Variants in IL18R1 observed in about 807,000 individuals in gnomAD.
IL18R1 encodes the protein interleukin-18 receptor 1.
A neutral mutation model predicts 48.5 loss-of-function variants in IL18R1; 40 were observed. The observed-to-expected ratio is 0.82, with a 90% confidence interval of 0.64 to 1.07. IL18R1 has a LOEUF of 1.07. IL18R1 is among the 50% of genes least tolerant of loss of function. The probability of loss-of-function intolerance (pLI) is 0.00; values close to 1 mark genes in which losing one functional copy is unlikely to be tolerated. For missense variants in IL18R1, 596 were observed against 633.7 expected (o/e 0.94, Z 0.64); for synonymous variants, 232 against 225.9 (o/e 1.03, Z -0.24).
At chr2:102,385,030 A>G (rs1423126584) in intron 7 of IL18R1, 32 bp downstream of exon 7, 1 of 1,217,422 alleles carries the variant, frequency 8.2e-7, no homozygotes, top group Admixed American at 1.9e-5. Context: ...GTCATGATAT[A>G]TACCATATAA....
intron 6 of IL18R1, among the ~76,000 whole-genome samples, chr2:102,384,326 C>T (rs1332629910): frequency 6.6e-6 from 1 of 152,162 alleles, no homozygotes; most frequent in East Asian, 1.9e-4. Context: ...ATTCTGCAAG[C>T]CTGTGCAGCT....
At chr2:102,384,142 T>G (rs571177913) in intron 6 of IL18R1, among the ~76,000 whole-genome samples, 1 of 152,346 alleles carries the variant, frequency 6.6e-6, no homozygotes, top group Admixed American at 6.5e-5. Flanking sequence ...GATGTAGGTA[T>G]GTTCACTCCA....
chr2:102,375,029 A>C (rs1469478726), intron 4 of IL18R1, among the ~76,000 whole-genome samples: 1 of 152,220 alleles, frequency 6.6e-6, no homozygotes, highest in African/African-American at 2.4e-5. Flanking sequence ...ATACATAAAT[A>C]ATTTACTGAC....
rs781182846 is a variant in IL18R1 at position 102,368,063 on chromosome 2, A to G, written c.297A>G (p.Gln99=). 1.9e-6 allele frequency: 3 copies of G among 1,614,100 alleles called. No individual in the cohort carries two copies. The highest frequency in any genetic ancestry group is 2.5e-6 in the Non-Finnish European group (3 of 1,179,968). The change falls in exon 3 of 11, where the codon CAA becomes CAG. Residue 99 remains glutamine (Q), a synonymous_variant. Transcript: ENST00000233957. Reference sequence around the variant, plus strand: ...ATGACACAGGATCTTACTTTTTCCAAATGAAGTGAGTAACCCTTTCTTTTC... The same window carrying G: ...ATGACACAGGATCTTACTTTTTCCAGATGAAGTGAGTAACCCTTTCTTTTC... The part of the protein sequence containing the change: ...ELNDTGSYFF[Q]MKNYTQKWKL...
chr2:102,358,314 CTGTT>C lies in IL18R1; in HGVS notation c.-29+1917_-29+1920del, dbSNP rs139654119. Among the ~76,000 whole-genome samples, 692 of 152,298 alleles carry C rather than the reference CTGTT, an allele frequency of 4.5e-3. 2 individuals carry two copies. Among genetic ancestry groups the C allele is most frequent in the Non-Finnish European group, 7.6e-3 (515 of 68,018 alleles). Reference sequence around the variant, plus strand: ...TGGGCAGAGCCAGGGGTTCAGGTGACTGTTTGGACCCTCTGGAAGGGCTTTTTAC... The same window carrying C: ...TGGGCAGAGCCAGGGGTTCAGGTGACTGGACCCTCTGGAAGGGCTTTTTAC... On this transcript the variant is annotated intron_variant, in intron 1 of 10. Coordinates refer to ENST00000233957, the MANE Select transcript of IL18R1 (RefSeq NM_003855.5).
At chr2:102,375,410 G>T (rs1033154918) in intron 4 of IL18R1, among the ~76,000 whole-genome samples, 13 of 152,176 alleles carry the variant, frequency 8.5e-5, no homozygotes, top group African/African-American at 3.1e-4. Context: ...CTGATGGAGG[G>T]TGTCAAAGGT....
chr2:102,360,195 G>C (rs1678490674), intron 1 of IL18R1, among the ~76,000 whole-genome samples: 1 of 152,192 alleles, frequency 6.6e-6, no homozygotes, highest in Admixed American at 6.5e-5. Context: ...TTTTAACAAA[G>C]AGTTTTGTGA....
intron 5 of IL18R1, among the ~76,000 whole-genome samples, chr2:102,376,470 G>T (rs1490871644): frequency 6.6e-6 from 1 of 152,186 alleles, no homozygotes; most frequent in Non-Finnish European, 1.5e-5. Flanking sequence ...TATTCTCAAG[G>T]GATTTGATTC....
intron 8 of IL18R1, among the ~76,000 whole-genome samples, chr2:102,387,651 A>C (rs1680316925): frequency 6.6e-6 from 1 of 152,212 alleles, no homozygotes; most frequent in African/African-American, 2.4e-5. Flanking sequence ...TCCAGTTGTC[A>C]CTACTCATTC....
intron 2 of IL18R1, among the ~76,000 whole-genome samples, chr2:102,365,000 C>A (rs1010570843): frequency 3.9e-5 from 6 of 152,126 alleles, no homozygotes; most frequent in African/African-American, 1.4e-4. Context: ...CTTATGGGAA[C>A]TACAATTCAA....
intron 7 of IL18R1, among the ~76,000 whole-genome samples, chr2:102,386,292 G>A (rs1573222750): frequency 6.6e-6 from 1 of 152,334 alleles, no homozygotes; most frequent in African/African-American, 2.4e-5. Context: ...TTAAGGAAGA[G>A]AAAAAGAACG....
Position 102,367,878 on chromosome 2 carries a change from C to A in IL18R1, c.112C>A (p.Leu38Met). Residue 38 changes from leucine (L) to methionine (M), a missense_variant, in exon 3 of 11, where the codon CTG (leucine) becomes ATG (methionine). Physicochemically the swap from Leu to Met is conservative, Grantham distance 15. Transcript: ENST00000233957. Reference protein sequence around the residue: ...ITVVEGEPFYLKHCSCSLAHE... With the variant: ...ITVVEGEPFYMKHCSCSLAHE... Reference sequence around the variant, plus strand: ...TGTGGTTGAAGGGGAACCTTTCTATCTGAAACATTGCTCGTGTTCACTTGC... The same window carrying A: ...TGTGGTTGAAGGGGAACCTTTCTATATGAAACATTGCTCGTGTTCACTTGC... 9.9e-6 allele frequency: 16 copies of A among 1,613,988 alleles called. No homozygotes were observed. Among genetic ancestry groups the A allele is most frequent in the Non-Finnish European group, 1.3e-5 (15 of 1,179,892 alleles).
chr2:102,367,688 A>G (rs1410283316), intron 2 of IL18R1, 137 bp from the exon 3 acceptor site: 1 of 704,352 alleles, frequency 1.4e-6, no homozygotes, highest in African/African-American at 1.8e-5. Flanking sequence ...AAGAACCCAC[A>G]GGAAATTGAC....
At chr2:102,377,600 G>A (rs1284652380) in intron 5 of IL18R1, among the ~76,000 whole-genome samples, 1 of 152,262 alleles carries the variant, frequency 6.6e-6, no homozygotes, top group East Asian at 1.9e-4. Context: ...ACAGGCATAA[G>A]CCACTGCACC....
At chr2:102,391,692 G>T (rs960766434) in intron 9 of IL18R1, among the ~76,000 whole-genome samples, 1 of 152,162 alleles carries the variant, frequency 6.6e-6, no homozygotes. Context: ...GCCTTCAAAA[G>T]ATGACAGCAA....
chr2:102,381,726 C>T, intron 6 of IL18R1, 44 bp downstream of exon 6: 3 of 1,247,364 alleles, frequency 2.4e-6, no homozygotes, highest in African/African-American at 1.5e-5. Flanking sequence ...AAGTAGGGGA[C>T]ATAATAGAGC....
At chr2:102,373,919 G>C (rs532408837) in intron 4 of IL18R1, 1 of 435,206 alleles carries the variant, frequency 2.3e-6, no homozygotes, top group Non-Finnish European at 4.6e-6. Context: ...ATCTGTCACT[G>C]TCTCCCATCA....
intron 5 of IL18R1, among the ~76,000 whole-genome samples, chr2:102,377,266 C>T (rs999463373): frequency 1.3e-5 from 2 of 152,194 alleles, no homozygotes; most frequent in Admixed American, 1.3e-4. Flanking sequence ...GCCAGAATTG[C>T]TTTACTTCTG....
intron 7 of IL18R1, 40 bp from the exon 8 acceptor site, chr2:102,386,821 C>A (rs372335269): frequency 1.9e-6 from 3 of 1,606,926 alleles, no homozygotes; most frequent in South Asian, 1.1e-5. Context: ...TCAAGGGTAA[C>A]GAACAGAGCC....
Sources: allele counts gnomAD v4.1 joint callset (sites outside exome capture counted in the v4.1 genomes callset), GRCh38; gene constraint gnomAD v4.1.1; transcripts MANE v1.5; gene names NCBI Gene and HGNC (gene_info 2026-07-23, HGNC 2026-07-21).